CASD1: variants seen among roughly 807,000 people sequenced by gnomAD.
CASD1 encodes the protein N-acetylneuraminate (7)9-O-acetyltransferase.
A neutral mutation model predicts 100.0 loss-of-function variants in CASD1; 41 were observed. The ratio of observed to expected loss-of-function variants is 0.41; its 90% CI spans 0.32 to 0.53. The LOEUF is 0.53. Among genes scored for constraint, CASD1 ranks in the 20% least tolerant of loss-of-function variants. CASD1 has a pLI of 0.25. For missense variants in CASD1, 774 were observed against 948.7 expected, an observed-to-expected ratio of 0.82 and a Z score of 2.42; for synonymous variants, 321 against 315.6, an observed-to-expected ratio of 1.02 and a Z score of -0.18.
Position 94,528,177 on chromosome 7 carries a change from TTC to T in CASD1, c.397-7_397-6del. 1 of 1,588,874 alleles carries T rather than the reference TTC, an allele frequency of 6.3e-7. No homozygotes were observed. Among genetic ancestry groups the T allele is most frequent in the Non-Finnish European group, 8.6e-7 (1 of 1,161,674 alleles). On this transcript the variant is annotated splice_polypyrimidine_tract_variant and intron_variant, in intron 4 of 17. Coordinates refer to ENST00000297273, the MANE Select transcript of CASD1 (RefSeq NM_022900.5). ...TCAACTTTTTCTTTACTTCTAACAT[TTC>T]TCTTTTAGGATTTTCTGTGGCATCC...
At chr7:94,626,949 A>T in the CASD1 span, 1 of 152,056 alleles carries the variant, frequency 6.6e-6, no homozygotes, top group African/African-American at 2.4e-5. Flanking sequence ...CATGACAATT[A>T]TGCTGTTTTT....
intron 3 of CASD1, among the ~76,000 whole-genome samples, chr7:94,524,631 C>G (rs1168558529): frequency 2.6e-5 from 4 of 151,974 alleles, no homozygotes; most frequent in Non-Finnish European, 4.4e-5. Flanking sequence ...ATCTATGGAA[C>G]AATTAGGGAA....
rs369707529 is a variant in CASD1 at position 94,555,470 on chromosome 7, A to T, written c.2128-22A>T. 1.4e-5 allele frequency: 23 copies of T among 1,605,432 alleles called. No homozygotes were observed. The African/African-American group carries it at 2.7e-4, about 19-fold the overall frequency. ...TTCATGGACCCTCTATAAATATCTG[A>T]CTTAAATATTTTTTCTCCTAGCTAT... On this transcript the variant is annotated intron_variant, in intron 17 of 17. Transcript: ENST00000297273.
chr7:94,599,151 A>C, the CASD1 span: 5 of 549,810 alleles, frequency 9.1e-6, no homozygotes, highest in Non-Finnish European at 1.6e-5. Flanking sequence ...CAAAACTGAA[A>C]ATTATAAACT....
chr7:94,594,822 C>A, the CASD1 span, among the ~76,000 whole-genome samples: 2 of 152,138 alleles, frequency 1.3e-5, no homozygotes, highest in Non-Finnish European at 2.9e-5. Flanking sequence ...CCTTACATTT[C>A]TAGACTATGT....
chr7:94,565,511 G>A, the CASD1 span, among the ~76,000 whole-genome samples: 2 of 152,080 alleles, frequency 1.3e-5, no homozygotes, highest in Admixed American at 6.5e-5. Context: ...TCATACAAGT[G>A]AGCAATAACC....
downstream of CASD1, among the ~76,000 whole-genome samples, chr7:94,559,690 T>C (rs2116456829): frequency 6.6e-6 from 1 of 152,242 alleles, no homozygotes; most frequent in East Asian, 1.9e-4. Flanking sequence ...CATGCCTGGC[T>C]AATTTTTATA....
At chr7:94,562,018 A>T (rs961568644), downstream of CASD1, among the ~76,000 whole-genome samples, 1 of 152,160 alleles carries the variant, frequency 6.6e-6, no homozygotes, top group Non-Finnish European at 1.5e-5. Flanking sequence ...TATGAAACTC[A>T]TCATTGTGTC....
downstream of CASD1, among the ~76,000 whole-genome samples, chr7:94,557,413 C>T (rs573716975): frequency 2.0e-5 from 3 of 152,184 alleles, no homozygotes; most frequent in African/African-American, 7.2e-5. Flanking sequence ...TCCTAGACTG[C>T]AGCCTTATAA....
chr7:94,614,124 A>C, the CASD1 span, among the ~76,000 whole-genome samples: 108 of 151,464 alleles, frequency 7.1e-4, no homozygotes, highest in African/African-American at 2.4e-3. Flanking sequence ...AAAAAAAAAA[A>C]AAAAAACACA....
chr7:94,515,409 G>T, intron 1 of CASD1, among the ~76,000 whole-genome samples: 1 of 114,018 alleles, frequency 8.8e-6, no homozygotes. Flanking sequence ...ATCTCATTTT[G>T]CTATGGTTTT....
At chr7:94,630,941 C>T in the CASD1 span, among the ~76,000 whole-genome samples, 1 of 151,918 alleles carries the variant, frequency 6.6e-6, no homozygotes, top group African/African-American at 2.4e-5. Flanking sequence ...CAAAATGTTT[C>T]TTTATCTGTG....
At chr7:94,550,224 GATA>G (rs1223840015) in intron 14 of CASD1, among the ~76,000 whole-genome samples, 1 of 152,074 alleles carries the variant, frequency 6.6e-6, no homozygotes, top group Admixed American at 6.6e-5. Flanking sequence ...TTGGAAAACT[GATA>G]ATAACTATTA....
At chr7:94,633,066 T>C in the CASD1 span, among the ~76,000 whole-genome samples, 9 of 152,012 alleles carry the variant, frequency 5.9e-5, no homozygotes, top group African/African-American at 1.7e-4. Flanking sequence ...GAAATATACA[T>C]GTGTACAGTG....
At chr7:94,620,507 T>G in the CASD1 span, 20 of 152,182 alleles carry the variant, frequency 1.3e-4, no homozygotes, top group Admixed American at 2.6e-4. Flanking sequence ...TCATGCTACA[T>G]TTATCTGCAT....
chr7:94,550,010 G>T (rs188539224), intron 14 of CASD1, among the ~76,000 whole-genome samples: 254 of 152,112 alleles, frequency 1.7e-3, no homozygotes, highest in Non-Finnish European at 1.4e-3. Context: ...AAAGAAAGAA[G>T]ACATCTCAGC....
At chr7:94,519,621 A>G (rs965380933) in intron 3 of CASD1, among the ~76,000 whole-genome samples, 2 of 152,136 alleles carry the variant, frequency 1.3e-5, no homozygotes, top group Admixed American at 6.5e-5. Context: ...TTAACATGAA[A>G]TTATTACAAT....
the CASD1 span, among the ~76,000 whole-genome samples, chr7:94,569,239 G>A: frequency 2.0e-5 from 3 of 152,090 alleles, no homozygotes; most frequent in Non-Finnish European, 4.4e-5. Context: ...TATAAATAAG[G>A]TCATTCACTG....
the CASD1 span, chr7:94,618,503 G>A: frequency 2.3e-6 from 1 of 435,644 alleles, no homozygotes; most frequent in African/African-American, 2.0e-5. Context: ...AGGTACAAAA[G>A]ACTTAGTGCT....
Sources: gnomAD v4.1 joint callset for allele counts (sites outside exome capture counted in the v4.1 genomes callset) on GRCh38, gnomAD v4.1.1 for gene constraint, MANE v1.5 for transcripts, NCBI Gene and HGNC (gene_info 2026-07-23, HGNC 2026-07-21) for gene names.